Variants in C2orf74 observed in about 807,000 individuals in gnomAD.
C2orf74 encodes the protein DPM1 ER membrane anchor 1, also known as uncharacterized protein C2orf74.
A neutral mutation model predicts 17.9 loss-of-function variants in C2orf74; 14 were observed. The ratio of observed to expected loss-of-function variants is 0.78; its 90% confidence interval spans 0.52 to 1.22. The LOEUF (loss-of-function observed/expected upper bound fraction) is 1.22, where lower values mean the gene tolerates loss of function less well. C2orf74 is among the 50% of genes most tolerant of loss of function. The pLI is 0.00. For missense variants in C2orf74, 217 were observed against 218.4 expected (o/e 0.99, Z 0.04); for synonymous variants, 79 against 72.6 (o/e 1.09, Z -0.44).
intron 1 of C2orf74, among the ~76,000 whole-genome samples, chr2:61,151,082 C>T (rs1685212967): frequency 6.6e-6 from 1 of 151,984 alleles, no homozygotes; most frequent in African/African-American, 2.4e-5. Context: ...CTTTGGGAGG[C>T]CGAGGCGGGA....
chr2:61,148,878 C>T (rs958626026), intron 1 of C2orf74, among the ~76,000 whole-genome samples: 13 of 152,066 alleles, frequency 8.5e-5, no homozygotes, highest in African/African-American at 2.4e-4. Flanking sequence ...CACCACACCC[C>T]GCTAAGTTTT....
intron 1 of C2orf74, among the ~76,000 whole-genome samples, chr2:61,145,781 C>T (rs1178275316): frequency 1.3e-5 from 2 of 152,132 alleles, no homozygotes; most frequent in Admixed American, 1.3e-4. Context: ...CTACAGCCTC[C>T]ACTTCCCAAG....
chr2:61,146,787 C>T (rs780758629), intron 1 of C2orf74, among the ~76,000 whole-genome samples: 3 of 151,616 alleles, frequency 2.0e-5, no homozygotes, highest in Non-Finnish European at 4.4e-5. Flanking sequence ...TGCAGTGAGC[C>T]GAGATGGCGC....
chr2:61,158,174 C>G (rs540283414), upstream of C2orf74, among the ~76,000 whole-genome samples: 3 of 152,284 alleles, frequency 2.0e-5, no homozygotes, highest in African/African-American at 7.2e-5. Context: ...GACTGTCTTA[C>G]TTTAACCTTA....
upstream of C2orf74, among the ~76,000 whole-genome samples, chr2:61,158,598 T>A (rs190982253): frequency 7.2e-5 from 11 of 152,178 alleles, no homozygotes; most frequent in East Asian, 2.1e-3. Context: ...TTTAATCTGG[T>A]GGTGCAGCTG....
intron 1 of C2orf74, chr2:61,151,446 T>G (rs1685225824): frequency 6.6e-6 from 1 of 150,638 alleles, no homozygotes; most frequent in Admixed American, 6.7e-5. Flanking sequence ...ATTCAAACAT[T>G]TATTAACTCT....
intron 1 of C2orf74, among the ~76,000 whole-genome samples, chr2:61,147,174 G>A (rs919252254): frequency 6.7e-6 from 1 of 150,206 alleles, no homozygotes; most frequent in South Asian, 2.1e-4. Flanking sequence ...CAAAAAAAGA[G>A]AAAGAAAGAA....
At chr2:61,150,435 C>T (rs1685191761) in intron 1 of C2orf74, among the ~76,000 whole-genome samples, 1 of 152,160 alleles carries the variant, frequency 6.6e-6, no homozygotes, top group Non-Finnish European at 1.5e-5. Flanking sequence ...GGAGTGAGAG[C>T]CACAGTGAGT....
upstream of C2orf74, among the ~76,000 whole-genome samples, chr2:61,160,163 CTT>C (rs58224099): frequency 6.8e-6 from 1 of 147,290 alleles, no homozygotes; most frequent in African/African-American, 2.5e-5. Flanking sequence ...AATGTCATTC[CTT>C]TTTTTTTTTT....
chr2:61,159,343 C>A (rs1439697058), upstream of C2orf74: 5 of 377,728 alleles, frequency 1.3e-5, no homozygotes, highest in Non-Finnish European at 2.6e-5. Flanking sequence ...GTTGCCTAGG[C>A]TGGAGTGCAG....
chr2:61,150,367 A>G (rs1685189621), intron 1 of C2orf74, among the ~76,000 whole-genome samples: 1 of 152,186 alleles, frequency 6.6e-6, no homozygotes, highest in African/African-American at 2.4e-5. Context: ...ATTACTGTAT[A>G]AACTCCCCTT....
upstream of C2orf74, among the ~76,000 whole-genome samples, chr2:61,159,158 G>A (rs1018159014): frequency 6.6e-5 from 10 of 151,602 alleles, no homozygotes; most frequent in Non-Finnish European, 1.2e-4. Flanking sequence ...CACCACACCC[G>A]GCTAATTTTT....
chr2:61,153,119 T>G (rs940733189), intron 1 of C2orf74, among the ~76,000 whole-genome samples: 1 of 133,142 alleles, frequency 7.5e-6, no homozygotes, highest in East Asian at 2.2e-4. Context: ...GCCATTGCAC[T>G]CCTGGGCAAC....
chr2:61,163,607 AAATAAT>A (rs967417345), intron 4 of C2orf74, among the ~76,000 whole-genome samples: 4 of 151,310 alleles, frequency 2.6e-5, no homozygotes, highest in African/African-American at 4.9e-5. Flanking sequence ...TCTCAAAAAA[AAATAAT>A]AATAATAATA....
intron 1 of C2orf74, among the ~76,000 whole-genome samples, chr2:61,149,539 G>C (rs1257605280): frequency 6.6e-6 from 1 of 151,294 alleles, no homozygotes; most frequent in Non-Finnish European, 1.5e-5. Context: ...TGGACTTTCT[G>C]GGCCAAGTTC....
chr2:61,145,181 C>T (rs181909961), exon 1 of C2orf74: 42 of 152,274 alleles, frequency 2.8e-4, no homozygotes, highest in Admixed American at 5.9e-4. Context: ...ATTCCAGACT[C>T]GTGGGGGAAA....
intron 1 of C2orf74, among the ~76,000 whole-genome samples, chr2:61,145,718 C>G (rs111758693): frequency 0.029 from 4,470 of 152,156 alleles, 104 homozygotes; most frequent in Non-Finnish European, 0.045. Context: ...CCACCGCGCC[C>G]GGCCTGTTTT....
chr2:61,148,773 A>G (rs935431085), intron 1 of C2orf74, among the ~76,000 whole-genome samples: 7 of 152,000 alleles, frequency 4.6e-5, no homozygotes, highest in Non-Finnish European at 7.4e-5. Flanking sequence ...CTGGAGTGCA[A>G]TGGCACAATC....
Position 61,163,070 on chromosome 2 carries a change from G to C in C2orf74, c.228G>C (p.Met76Ile). The C allele has an allele frequency of 6.4e-7, 1 of 1,552,148 alleles. No homozygotes were observed. Among genetic ancestry groups the C allele is most frequent in the South Asian group, 1.2e-5 (1 of 84,058 alleles). ...TTTCTAGGATCTTAATGCAAGTCAT[G>C]AACTTGAATGTGCCGATGAGGCCTG... ...EDHERILMQV[M>I]NLNVPMRPGI... The change falls in exon 4 of 5, where the codon ATG becomes ATC. Residue 76 changes from methionine (M) to isoleucine (I), a missense_variant. Coordinates refer to ENST00000432605, the MANE Select transcript of C2orf74 (RefSeq NM_001143959.4).
Sources: allele counts gnomAD v4.1 joint callset (sites outside exome capture counted in the v4.1 genomes callset), GRCh38; gene constraint gnomAD v4.1.1; transcripts MANE v1.5; gene names NCBI Gene and HGNC (gene_info 2026-07-23, HGNC 2026-07-21).